Variants in GPHN observed in about 807,000 individuals in gnomAD.
GPHN encodes gephyrin.
A neutral mutation model predicts 95.5 loss-of-function variants in GPHN; 17 were observed. That is an observed-to-expected ratio of 0.18 (90% CI 0.12 to 0.27). GPHN has a LOEUF of 0.27. GPHN is among the 10% of genes least tolerant of loss of function. The probability of loss-of-function intolerance (pLI) is 1.00; values close to 1 mark genes in which losing one functional copy is unlikely to be tolerated. For synonymous variants in GPHN, 320 were observed against 322.5 expected, an observed-to-expected ratio of 0.99 and a Z score of 0.08; for missense variants, 660 against 978.1, an observed-to-expected ratio of 0.67 and a Z score of 4.34.
intron 21 of GPHN, among the ~76,000 whole-genome samples, chr14:67,175,860 C>T (rs901214378): frequency 1.3e-5 from 2 of 152,036 alleles, no homozygotes; most frequent in Admixed American, 6.6e-5. Context: ...GGAGTTCACT[C>T]GTGATTTGGC....
intron 5 of GPHN, among the ~76,000 whole-genome samples, chr14:66,899,134 T>G (rs1178832431): frequency 2.0e-5 from 3 of 151,558 alleles, no homozygotes; most frequent in Non-Finnish European, 3.0e-5. Flanking sequence ...TTTTTTTTTT[T>G]TTGTTTTTTG....
chr14:66,671,892 C>G (rs1198194922), intron 1 of GPHN, among the ~76,000 whole-genome samples: 4 of 152,036 alleles, frequency 2.6e-5, no homozygotes. Flanking sequence ...AAAGAATCAC[C>G]TTTTGGTTTC....
At chr14:67,383,564 T>C in the GPHN span, 8 of 1,370,776 alleles carry the variant, frequency 5.8e-6, no homozygotes, top group Non-Finnish European at 7.0e-6. Flanking sequence ...TTCTAAGTAT[T>C]TAAATGTTCT....
the GPHN span, chr14:67,650,838 AAGG>A: frequency 6.2e-7 from 1 of 1,614,126 alleles, no homozygotes; most frequent in South Asian, 1.1e-5. Context: ...CAGACAAGAG[AAGG>A]AGGGCATATT....
At chr14:66,594,773 A>G (rs1023917505) in intron 1 of GPHN, among the ~76,000 whole-genome samples, 3 of 152,174 alleles carry the variant, frequency 2.0e-5, no homozygotes, top group Admixed American at 6.5e-5. Flanking sequence ...CGTACTTTGG[A>G]TATAACCCCC....
rs1207509518 is a variant in GPHN, at chr14:66,693,829, T to C, written c.143+12644T>C. Among the ~76,000 whole-genome samples, 4 of 152,246 alleles carry C rather than the reference T, an allele frequency of 2.6e-5. No homozygotes were observed. In the East Asian group the frequency reaches 7.7e-4, roughly 29 times the overall value. On this transcript the variant is annotated intron_variant, in intron 2 of 22. Coordinates refer to ENST00000478722, the MANE Select transcript of GPHN (RefSeq NM_020806.5). ...AGTAACATTGTGGAATTCAAAGCCA[T>C]ATTAAGGACATTTTCATAATACTCT...
intron 2 of GPHN, among the ~76,000 whole-genome samples, chr14:66,702,480 C>T (rs2068648168): frequency 1.3e-5 from 2 of 152,148 alleles, no homozygotes; most frequent in Admixed American, 1.3e-4. Flanking sequence ...CTCCTTGAGA[C>T]ATCTCCAGAT....
chr14:67,199,974 G>T, the GPHN span: 2 of 1,143,648 alleles, frequency 1.7e-6, no homozygotes, highest in Non-Finnish European at 2.5e-6. Context: ...CCCATCCAGG[G>T]ATGTCTCAGA....
At chr14:67,662,504 A>C in the GPHN span, 149 of 1,612,156 alleles carry the variant, frequency 9.2e-5, no homozygotes, top group African/African-American at 1.9e-3. Context: ...GTTGCTTTTC[A>C]TCAAAATCCC....
At position 66,763,757 on chromosome 14, in the gene GPHN, T is replaced by C. The variant is rs372254540; in HGVS notation, c.144-12707T>C. Among the ~76,000 whole-genome samples, 6 of 152,214 alleles carry C rather than the reference T, an allele frequency of 3.9e-5. 1 individual carries two copies. The East Asian group carries it at 5.8e-4, about 15-fold the overall frequency. ...TTGAACAGTAGTGGTCCATGGCTGGTTGGGAACCAGGTCACACAGCAGGAC... is the reference window on the plus strand; with the variant it reads ...TTGAACAGTAGTGGTCCATGGCTGGCTGGGAACCAGGTCACACAGCAGGAC... On this transcript the variant is annotated intron_variant, in intron 2 of 22. Coordinates refer to ENST00000478722, the MANE Select transcript of GPHN (RefSeq NM_020806.5).
the GPHN span, among the ~76,000 whole-genome samples, chr14:67,375,238 G>C: frequency 7.2e-5 from 3 of 41,424 alleles, no homozygotes; most frequent in African/African-American, 2.6e-4. Context: ...AGTTCTGTGT[G>C]TGTGTGTGTG....
the GPHN span, among the ~76,000 whole-genome samples, chr14:67,187,840 A>G: frequency 1.3e-5 from 2 of 152,134 alleles, no homozygotes; most frequent in East Asian, 3.9e-4. Context: ...CTCCAATTGG[A>G]CTAAGTACCC....
Position 66,560,493 on chromosome 14 carries a change from T to A in GPHN, c.64+51902T>A, listed in dbSNP as rs146093468. 7.5e-4 allele frequency among the ~76,000 whole-genome samples: 114 copies of A among 152,358 alleles called. 1 individual carries two copies. The East Asian group carries it at 0.021, about 28-fold the overall frequency. On this transcript the variant is annotated intron_variant, in intron 1 of 22. Coordinates refer to ENST00000478722, the MANE Select transcript of GPHN (RefSeq NM_020806.5). ...TTGGATTCCTAGGTATTTTATTCTC[T>A]TTGAAGCCATTGTGATTGGGAGTTC...
At chr14:67,444,791 G>A in the GPHN span, among the ~76,000 whole-genome samples, 3 of 152,218 alleles carry the variant, frequency 2.0e-5, no homozygotes, top group African/African-American at 7.2e-5. Flanking sequence ...ACAGAGTATC[G>A]CTCTGTCACC....
chr14:67,290,764 G>A, the GPHN span, among the ~76,000 whole-genome samples: 1 of 152,000 alleles, frequency 6.6e-6, no homozygotes, highest in Non-Finnish European at 1.5e-5. Context: ...CCACCTCCTG[G>A]ACTCAAGCAG....
intron 1 of GPHN, among the ~76,000 whole-genome samples, chr14:66,613,115 C>T (rs926307385): frequency 6.6e-6 from 1 of 152,074 alleles, no homozygotes; most frequent in Non-Finnish European, 1.5e-5. Context: ...ACCATTGCTT[C>T]TAGGGGAAAT....
intron 4 of GPHN, among the ~76,000 whole-genome samples, chr14:66,833,192 G>A (rs2153501238): frequency 6.6e-6 from 1 of 152,234 alleles, no homozygotes; most frequent in South Asian, 2.1e-4. Context: ...GGTGTGGTAG[G>A]CCTTAGGAAA....
At chr14:67,221,224 T>C in the GPHN span, among the ~76,000 whole-genome samples, 3 of 152,244 alleles carry the variant, frequency 2.0e-5, no homozygotes, top group African/African-American at 7.2e-5. Flanking sequence ...AGAAATGTTA[T>C]TAAATGTAAA....
intron 9 of GPHN, among the ~76,000 whole-genome samples, chr14:67,008,442 A>C (rs1485746885): frequency 1.3e-5 from 2 of 151,734 alleles, no homozygotes; most frequent in Admixed American, 6.6e-5. Flanking sequence ...TGACAGAGTG[A>C]GACACCGTCT....
Sources: gnomAD v4.1 joint callset for allele counts (sites outside exome capture counted in the v4.1 genomes callset) on GRCh38, gnomAD v4.1.1 for gene constraint, MANE v1.5 for transcripts, NCBI Gene and HGNC (gene_info 2026-07-23, HGNC 2026-07-21) for gene names.